The following PPP1R9A variants were observed in gnomAD, a reference collection of about 807,000 sequenced individuals.
PPP1R9A encodes the protein neurabin-1.
A neutral mutation model predicts 141.9 loss-of-function variants in PPP1R9A; 59 were observed. The observed-to-expected ratio is 0.42, with a 90% CI of 0.34 to 0.52. The LOEUF (loss-of-function observed/expected upper bound fraction) is 0.52, where lower values mean the gene tolerates loss of function less well. Among genes scored for constraint, PPP1R9A ranks in the 20% least tolerant of loss-of-function variants. PPP1R9A has a pLI of 0.10. For missense variants in PPP1R9A, 1,444 were observed against 1,611.9 expected (o/e 0.90, Z 1.78); for synonymous variants, 500 against 569.7 (o/e 0.88, Z 1.74).
chr7:95,283,921 A>T (rs1172202698), intron 16 of PPP1R9A, 97 bp from the exon 17 acceptor site: 2 of 1,080,518 alleles, frequency 1.9e-6, no homozygotes, highest in Non-Finnish European at 2.6e-6. Flanking sequence ...ACAGTTTCTC[A>T]AATTGTTACT....
At chr7:95,122,270 C>G (rs1444060583) in intron 4 of PPP1R9A, among the ~76,000 whole-genome samples, 2 of 151,612 alleles carry the variant, frequency 1.3e-5, no homozygotes, top group Admixed American at 1.3e-4. Flanking sequence ...CCTCAGCCTT[C>G]TGAGTAGCTG....
intron 2 of PPP1R9A, among the ~76,000 whole-genome samples, chr7:95,109,178 T>C (rs1161824203): frequency 6.6e-6 from 1 of 152,236 alleles, no homozygotes; most frequent in Non-Finnish European, 1.5e-5. Flanking sequence ...ATTTGAAATA[T>C]ATATTCCTTC....
chr7:94,908,196 A>T (rs1280425772), intron 1 of PPP1R9A: 5 of 144,418 alleles, frequency 3.5e-5, no homozygotes, highest in African/African-American at 1.0e-4. Flanking sequence ...AGGAGGAAAA[A>T]ATCGGCTTGT....
chr7:95,040,028 AAG>A (rs1809002542), intron 2 of PPP1R9A, among the ~76,000 whole-genome samples: 1 of 152,180 alleles, frequency 6.6e-6, no homozygotes, highest in South Asian at 2.1e-4. Context: ...ATCTTGAAAT[AAG>A]AGAGACGGTG....
chr7:95,107,964 A>C (rs1169823211), intron 2 of PPP1R9A, among the ~76,000 whole-genome samples: 1 of 152,152 alleles, frequency 6.6e-6, no homozygotes, highest in East Asian at 1.9e-4. Flanking sequence ...TTATAGAGAG[A>C]AAAATGCTTG....
chr7:95,010,520 A>T (rs1804265341), intron 2 of PPP1R9A, among the ~76,000 whole-genome samples: 1 of 152,172 alleles, frequency 6.6e-6, no homozygotes, highest in Non-Finnish European at 1.5e-5. Context: ...AAGGAAATTC[A>T]TTCTTTAAAT....
At chr7:95,284,401 CCTT>C in intron 17 of PPP1R9A, 71 bp downstream of exon 17, 1 of 1,286,880 alleles carries the variant, frequency 7.8e-7, no homozygotes, top group Non-Finnish European at 1.0e-6. Flanking sequence ...TTAACTACCA[CCTT>C]CTTTAATGCT....
intron 2 of PPP1R9A, among the ~76,000 whole-genome samples, chr7:94,936,211 T>C (rs1794746552): frequency 6.6e-6 from 1 of 152,172 alleles, no homozygotes. Flanking sequence ...TTATTTGTTA[T>C]GGGTGATCTT....
intron 2 of PPP1R9A, among the ~76,000 whole-genome samples, chr7:94,976,744 C>G (rs760924666): frequency 6.6e-6 from 1 of 152,030 alleles, no homozygotes; most frequent in Non-Finnish European, 1.5e-5. Flanking sequence ...GATGGGATGG[C>G]TGTTATTTTG....
At chr7:95,083,791 A>C (rs1816247585) in intron 2 of PPP1R9A, among the ~76,000 whole-genome samples, 1 of 151,992 alleles carries the variant, frequency 6.6e-6, no homozygotes, top group South Asian at 2.1e-4. Flanking sequence ...AGGGATGAAA[A>C]AATATTTGAA....
chr7:95,124,391 A>G (rs1298604120), intron 4 of PPP1R9A, among the ~76,000 whole-genome samples: 2 of 151,910 alleles, frequency 1.3e-5, no homozygotes, highest in Non-Finnish European at 2.9e-5. Flanking sequence ...TTTTGTCCTT[A>G]TCTCTCAGTC....
intron 2 of PPP1R9A, among the ~76,000 whole-genome samples, chr7:95,101,029 T>A: frequency 6.6e-6 from 1 of 151,306 alleles, no homozygotes; most frequent in Non-Finnish European, 1.5e-5. Context: ...ATTTTTTGTA[T>A]TTTTAGTAGA....
rs192787479 is a variant in PPP1R9A at position 95,085,762 on chromosome 7, A to G, written c.1396-25497A>G. 2.0e-5 allele frequency among the ~76,000 whole-genome samples: 3 copies of G among 152,146 alleles called. No homozygotes were observed. The East Asian group carries it at 5.8e-4, about 29-fold the overall frequency. The stretch of plus-strand genomic sequence containing the variant: ...TTTTATTAGTATATTCTCTCAGTTT[A>G]TAACTTGTATTTTCACTTGGTATAT... On this transcript the variant is annotated intron_variant, in intron 2 of 19. Transcript: ENST00000433360.
intron 6 of PPP1R9A, chr7:95,202,479 T>G (rs1001377163): frequency 3.1e-6 from 1 of 324,842 alleles, no homozygotes; most frequent in Non-Finnish European, 4.4e-6. Flanking sequence ...AATATATCTG[T>G]GATTCATGAT....
intron 12 of PPP1R9A, among the ~76,000 whole-genome samples, chr7:95,252,563 G>T (rs376114876): frequency 6.0e-5 from 9 of 149,266 alleles, no homozygotes; most frequent in African/African-American, 2.2e-4. Context: ...CGCCTCCCAG[G>T]TTCAAGCGAT....
Position 95,115,647 on chromosome 7 carries a change from G to A in PPP1R9A, c.1528+4256G>A, listed in dbSNP as rs142235732. Reference sequence around the variant, plus strand: ...TAGTTGAAGAGAAAAGGCCAGGTGCGGTGGCTCATGTCTATAATCCCAGCA... The same window carrying A: ...TAGTTGAAGAGAAAAGGCCAGGTGCAGTGGCTCATGTCTATAATCCCAGCA... On this transcript the variant is annotated intron_variant, in intron 3 of 19. Transcript: ENST00000433360. 4.9e-4 allele frequency among the ~76,000 whole-genome samples: 74 copies of A among 152,088 alleles called. 3 individuals are homozygous for A. In the East Asian group the frequency reaches 0.013, roughly 27 times the overall value.
chr7:95,231,357 C>T (rs1459669873), intron 8 of PPP1R9A, among the ~76,000 whole-genome samples: 1 of 152,068 alleles, frequency 6.6e-6, no homozygotes, highest in African/African-American at 2.4e-5. Flanking sequence ...AGAAAGTCAA[C>T]AAAGAAACAA....
intron 2 of PPP1R9A, among the ~76,000 whole-genome samples, chr7:95,029,439 A>T (rs75137504): frequency 0.075 from 11,409 of 152,234 alleles, 510 homozygotes; most frequent in East Asian, 0.14. Flanking sequence ...TGTGATTGAG[A>T]TAATTGATTC....
At chr7:95,056,442 A>T (rs1811511940) in intron 2 of PPP1R9A, among the ~76,000 whole-genome samples, 1 of 152,160 alleles carries the variant, frequency 6.6e-6, no homozygotes, top group South Asian at 2.1e-4. Flanking sequence ...CATAGCAGAT[A>T]TATTTTTTCT....
Sources: allele counts gnomAD v4.1 joint callset (sites outside exome capture counted in the v4.1 genomes callset), GRCh38; gene constraint gnomAD v4.1.1; transcripts MANE v1.5; gene names NCBI Gene and HGNC (gene_info 2026-07-23, HGNC 2026-07-21).